Variants in KCNAB2 observed in about 807,000 individuals in gnomAD.
KCNAB2 encodes the protein potassium voltage-gated channel subfamily A regulatory beta subunit 2, also known as voltage-gated potassium channel subunit beta-2.
Under a neutral mutation model 63.6 loss-of-function variants are expected in KCNAB2, and 29 were observed. The ratio of observed to expected loss-of-function variants is 0.46; its 90% CI spans 0.34 to 0.62. The LOEUF is 0.62. KCNAB2 is among the 20% of genes least tolerant of loss of function. The probability of loss-of-function intolerance (pLI) is 0.01; values close to 1 mark genes in which losing one functional copy is unlikely to be tolerated. For synonymous variants in KCNAB2, 222 were observed against 224.2 expected (o/e 0.99, Z 0.09); for missense variants, 359 against 563.9 (o/e 0.64, Z 3.68).
intron 1 of KCNAB2, among the ~76,000 whole-genome samples, chr1:6,015,445 T>G (rs1336045557): frequency 1.3e-5 from 2 of 152,212 alleles, no homozygotes; most frequent in African/African-American, 4.8e-5. Context: ...CGCCCTTCAT[T>G]TACATATTTG....
intron 5 of KCNAB2, among the ~76,000 whole-genome samples, chr1:6,083,986 AT>A (rs1308905499): frequency 2.0e-5 from 3 of 152,160 alleles, no homozygotes; most frequent in African/African-American, 7.2e-5. Flanking sequence ...TGATCCCCAA[AT>A]CAGGGACCAA....
In KCNAB2 at chr1:6,073,592, C is replaced by T; in HGVS notation, c.263-141C>T. On this transcript the variant is annotated intron_variant, in intron 3 of 15. Transcript: ENST00000378083. This position sits in a 1 kb window ranked among gnomAD's most constrained non-coding sequence, Gnocchi z 5.7. ...TCTGAAGGCCAGCTGTCCACACACACTAAGGACACCCTGGCCACAGAGCAG... is the reference window on the plus strand; with the variant it reads ...TCTGAAGGCCAGCTGTCCACACACATTAAGGACACCCTGGCCACAGAGCAG... 1 of 767,346 alleles carries T rather than the reference C, an allele frequency of 1.3e-6. No individual in the cohort carries two copies. Among genetic ancestry groups the T allele is most frequent in the Non-Finnish European group, 2.3e-6 (1 of 430,604 alleles). 47.5% of individuals were successfully genotyped at this position (767,346 alleles called of 1,614,324 possible). A position where few individuals can be genotyped will look rare whatever the true frequency, so the allele number is the denominator to read the frequency against.
chr1:6,019,233 A>G (rs369200627), intron 1 of KCNAB2, among the ~76,000 whole-genome samples: 1 of 152,298 alleles, frequency 6.6e-6, no homozygotes. Context: ...TCAAGGCTGC[A>G]GTGAGCTGTG....
intron 2 of KCNAB2, 103 bp from the exon 3 acceptor site, chr1:6,072,652 G>A: frequency 7.9e-7 from 1 of 1,258,302 alleles, no homozygotes; most frequent in Non-Finnish European, 1.2e-6. Context: ...AACACACATT[G>A]ACTGTTGGGG....
upstream of KCNAB2, chr1:6,041,469 G>A (rs1660492637): frequency 7.4e-6 from 2 of 271,718 alleles, no homozygotes; most frequent in South Asian, 4.2e-5. Context: ...CTGGGTTGGA[G>A]GGTTTTCAGC....
intron 15 of KCNAB2, 98 bp downstream of exon 15, chr1:6,097,455 T>G: frequency 6.5e-7 from 1 of 1,540,644 alleles, no homozygotes; most frequent in Non-Finnish European, 8.7e-7. Context: ...GGCTCTGTTC[T>G]AGGCACTCAG....
At chr1:6,077,069 C>A (rs1663728926) in intron 4 of KCNAB2, among the ~76,000 whole-genome samples, 1 of 152,016 alleles carries the variant, frequency 6.6e-6, no homozygotes, top group Non-Finnish European at 1.5e-5. Flanking sequence ...ACCTGTAATC[C>A]CAGCTACTCA....
chr1:6,088,703 AAATAATAAT>A lies in KCNAB2; in HGVS notation c.471-284_471-276del, dbSNP rs3040477. Among the ~76,000 whole-genome samples the A allele has an allele frequency of 1.9e-3, 264 of 142,512 alleles. 1 individual carries two copies. Among genetic ancestry groups the A allele is most frequent in the African/African-American group, 6.4e-3 (247 of 38,716 alleles). The allele number at this position is 142,512 out of a possible 152,430, so 93.5% of individuals were successfully genotyped here. A position where few individuals can be genotyped will look rare whatever the true frequency, so the allele number is the denominator to read the frequency against. On this transcript the variant is annotated intron_variant, in intron 7 of 15. Coordinates refer to ENST00000378083, the MANE Select transcript of KCNAB2 (RefSeq NM_001199862.2). Reference sequence around the variant, plus strand: ...CAGCCTGATGTGTTCTTAATTTAAAAAATAATAATAATAATAATAATAATAATAAGTCCA... The same window carrying A: ...CAGCCTGATGTGTTCTTAATTTAAAAAATAATAATAATAATAATAAGTCCA...
rs1402549141 is a variant in KCNAB2, at chr1:6,074,258, C to G, written c.300+488C>G. 6.6e-6 allele frequency among the ~76,000 whole-genome samples: 1 copy of G among 152,240 alleles called. No homozygotes were observed. Among genetic ancestry groups the G allele is most frequent in the Non-Finnish European group, 1.5e-5 (1 of 68,048 alleles). ...CCAACATCCACTGTCCATTTCCCAG[C>G]TGCCGCGAACCGTGCGGATCGCAGT... On this transcript the variant is annotated intron_variant, in intron 4 of 15. Transcript: ENST00000378083. This position sits in a 1 kb window ranked among gnomAD's most constrained non-coding sequence, Gnocchi z 4.9.
At chr1:6,041,774 G>A, upstream of KCNAB2, 1 of 1,485,684 alleles carries the variant, frequency 6.7e-7, no homozygotes, top group African/African-American at 1.4e-5. Context: ...GCCAACTGTG[G>A]ACTCTCTCTC....
chr1:6,022,965 C>A (rs1416633274), intron 1 of KCNAB2, among the ~76,000 whole-genome samples: 1 of 151,612 alleles, frequency 6.6e-6, no homozygotes, highest in African/African-American at 2.4e-5. Context: ...TCACTGCAAC[C>A]CCTGCCTCCT....
chr1:6,096,374 C>T lies in KCNAB2; in HGVS notation c.949-262C>T, dbSNP rs1371316975. On this transcript the variant is annotated intron_variant, in intron 13 of 15. Coordinates refer to ENST00000378083, the MANE Select transcript of KCNAB2 (RefSeq NM_001199862.2). This position sits in a 1 kb window ranked among gnomAD's most constrained non-coding sequence, Gnocchi z 5.9. ...CCAGCACCTCGCCTCCTTGTCCTGACTTGGGGTTGGGCCAGCACCACAGTC... is the reference window on the plus strand; with the variant it reads ...CCAGCACCTCGCCTCCTTGTCCTGATTTGGGGTTGGGCCAGCACCACAGTC... 3 of 551,588 alleles carry T rather than the reference C, an allele frequency of 5.4e-6. No individual in the cohort carries two copies. The highest frequency in any genetic ancestry group is 6.5e-6 in the Non-Finnish European group (2 of 306,402). The allele number at this position is 551,588 out of a possible 1,614,324, so 34.2% of individuals were successfully genotyped here.
chr1:6,013,784 C>T (rs1190235163), intron 1 of KCNAB2, among the ~76,000 whole-genome samples: 1 of 151,914 alleles, frequency 6.6e-6, no homozygotes, highest in Non-Finnish European at 1.5e-5. Flanking sequence ...CTCGGAGACT[C>T]CTGACGACAC....
At chr1:6,082,503 G>C (rs183410504) in intron 5 of KCNAB2, among the ~76,000 whole-genome samples, 6 of 152,246 alleles carry the variant, frequency 3.9e-5, no homozygotes, top group African/African-American at 1.2e-4. Flanking sequence ...CCACCAGGGG[G>C]ACCACAGTCC....
In KCNAB2 at chr1:6,036,493, ACT is replaced by A. The variant is rs1414892222; in HGVS notation, c.-53+1702_-53+1703del. Among the ~76,000 whole-genome samples, 5 of 152,028 alleles carry A rather than the reference ACT, an allele frequency of 3.3e-5. No homozygotes were observed. In the East Asian group the frequency reaches 9.6e-4, roughly 29 times the overall value. ...ACTCCAGCCTGGGTGACAGAGTGAG[ACT>A]CTGTCTCAAAAAAAGAAAAAAGAAA... On this transcript the variant is annotated intron_variant, in intron 1 of 15. Transcript: ENST00000164247.
In KCNAB2 at chr1:6,071,608, C is replaced by T. The variant is rs1161377023; in HGVS notation, c.219-1147C>T. Among the ~76,000 whole-genome samples the T allele has an allele frequency of 6.6e-6, 1 of 152,198 alleles. No homozygotes were observed. Among genetic ancestry groups the T allele is most frequent in the Non-Finnish European group, 1.5e-5 (1 of 68,018 alleles). Reference sequence around the variant, plus strand: ...TGGGCAGGTATCGTAACGTGGGAATCGATGTCACGACAAGCAAGGCGCCTG... The same window carrying T: ...TGGGCAGGTATCGTAACGTGGGAATTGATGTCACGACAAGCAAGGCGCCTG... On this transcript the variant is annotated intron_variant, in intron 2 of 15. Transcript: ENST00000378083. This position sits in a 1 kb window ranked among gnomAD's most constrained non-coding sequence, Gnocchi z 8.5.
At chr1:6,030,547 GTATGTGTGTATGTC>G (rs549226974), upstream of KCNAB2, among the ~76,000 whole-genome samples, 71 of 152,038 alleles carry the variant, frequency 4.7e-4, no homozygotes, top group African/African-American at 1.6e-3. Context: ...ACATATGTGT[GTATGTGTGTATGTC>G]TATGTGTGTA....
chr1:6,041,058 C>A (rs1660458622), upstream of KCNAB2: 1 of 168,864 alleles, frequency 5.9e-6, no homozygotes, highest in East Asian at 1.7e-4. Context: ...ACCTTGCAGG[C>A]CTTTGGGGAA....
chr1:6,062,624 G>T (rs1348861165), intron 2 of KCNAB2, among the ~76,000 whole-genome samples: 1 of 152,148 alleles, frequency 6.6e-6, no homozygotes, highest in Non-Finnish European at 1.5e-5. Context: ...TCGGAGAAGG[G>T]AGGGGTTACT....
Sources: allele counts gnomAD v4.1 joint callset (sites outside exome capture counted in the v4.1 genomes callset), GRCh38; gene constraint gnomAD v4.1.1; non-coding constraint Gnocchi (gnomAD v3.1); transcripts MANE v1.5; gene names NCBI Gene and HGNC (gene_info 2026-07-23, HGNC 2026-07-21).